The following CPAMD8 variants were observed in gnomAD, a reference collection of about 807,000 sequenced individuals.
CPAMD8 encodes the protein C3 and PZP-like alpha-2-macroglobulin domain-containing protein 8.
A neutral mutation model predicts 224.7 loss-of-function variants in CPAMD8; 146 were observed. The ratio of observed to expected loss-of-function variants is 0.65; its 90% CI spans 0.57 to 0.75. CPAMD8 has a LOEUF of 0.75. Among genes scored for constraint, CPAMD8 ranks in the 30% least tolerant of loss-of-function variants. CPAMD8 has a pLI of 0.00. For missense variants in CPAMD8, 2,301 were observed against 2,537.5 expected (o/e 0.91, Z 2.00); for synonymous variants, 966 against 1,044.6 (o/e 0.92, Z 1.45).
chr19:16,974,642 T>C (rs1368504149), intron 17 of CPAMD8, among the ~76,000 whole-genome samples: 1 of 151,958 alleles, frequency 6.6e-6, no homozygotes, highest in Non-Finnish European at 1.5e-5. Context: ...AGAATCTACT[T>C]GTGAGCTTTC....
chr19:17,006,096 G>A (rs567628146), intron 7 of CPAMD8, among the ~76,000 whole-genome samples: 12 of 152,112 alleles, frequency 7.9e-5, no homozygotes, highest in African/African-American at 2.9e-4. Flanking sequence ...CTGAGTAGCT[G>A]GGACTTTAGG....
intron 19 of CPAMD8, among the ~76,000 whole-genome samples, chr19:16,953,526 C>T (rs2054363844): frequency 6.6e-6 from 1 of 151,652 alleles, no homozygotes; most frequent in Non-Finnish European, 1.5e-5. Flanking sequence ...ACAGCAAGAC[C>T]CTATCTTTAC....
chr19:16,904,176 A>AGGGGCCCC, intron 32 of CPAMD8, 50 bp downstream of exon 32: 104 of 937,314 alleles, frequency 1.1e-4, no homozygotes, highest in Non-Finnish European at 1.5e-4. Context: ...GACTGCAGGG[A>AGGGGCCCC]CCCCACCCAC....
Position 16,952,178 on chromosome 19 carries a change from G to T in CPAMD8, c.2299C>A (p.Leu767Ile). 2 of 1,544,052 alleles carry T rather than the reference G, an allele frequency of 1.3e-6. No individual in the cohort carries two copies. The highest frequency in any genetic ancestry group is 1.2e-5 in the South Asian group (1 of 83,900). ...NISDPSGEGT[L>I]SVKVPDSITS... Reference sequence around the variant, plus strand: ...ATGGAGTCCGGGACCTTCACACTGAGTGTCCCCTCACCAGATGGGTCACTG... The same window carrying T: ...ATGGAGTCCGGGACCTTCACACTGATTGTCCCCTCACCAGATGGGTCACTG... The change falls in exon 20 of 42, where the codon CTC becomes ATC. Residue 767 changes from leucine to isoleucine, a missense_variant. Leu to Ile is a conservative substitution (Grantham distance 5). Around this residue, in one of 4 missense-constraint regions of CPAMD8, gnomAD observed 1,709 missense variants for 1,753.2 expected, o/e 0.97. Transcript: ENST00000443236.
intron 29 of CPAMD8, among the ~76,000 whole-genome samples, chr19:16,913,688 T>A (rs1361210773): frequency 6.6e-6 from 1 of 152,102 alleles, no homozygotes; most frequent in Non-Finnish European, 1.5e-5. Context: ...ATTCAGCCCA[T>A]AACACAAGGC....
chr19:17,000,583 C>T, intron 9 of CPAMD8, 61 bp from the exon 10 acceptor site: 1 of 783,520 alleles, frequency 1.3e-6, no homozygotes. Context: ...AGGGCCCAGC[C>T]TCAGGAAGGC....
intron 23 of CPAMD8, among the ~76,000 whole-genome samples, chr19:16,935,831 T>C (rs1290574537): frequency 6.6e-6 from 1 of 152,246 alleles, no homozygotes; most frequent in Non-Finnish European, 1.5e-5. Flanking sequence ...CAAACTGTTT[T>C]TAAAAACTAC....
intron 9 of CPAMD8, 79 bp downstream of exon 9, chr19:17,002,187 A>ACGACCTTGAGGGAGCAG (rs1568586196): frequency 1.6e-5 from 15 of 952,236 alleles, no homozygotes; most frequent in Non-Finnish European, 1.6e-6. Flanking sequence ...GAGGAGGGGA[A>ACGACCTTGAGGGAGCAG]CGACCTTGAG....
At chr19:17,013,166 A>G (rs1411360763) in intron 3 of CPAMD8, among the ~76,000 whole-genome samples, 1 of 151,374 alleles carries the variant, frequency 6.6e-6, no homozygotes, top group African/African-American at 2.4e-5. Flanking sequence ...GGGTGACAAG[A>G]GTGAAACTCC....
rs1222511739 is a variant in CPAMD8 at position 16,937,943 on chromosome 19, CG to C, written c.2845+451del. 3.3e-4 allele frequency among the ~76,000 whole-genome samples: 50 copies of C among 152,256 alleles called. No individual in the cohort carries two copies. The East Asian group carries it at 8.5e-3, about 26-fold the overall frequency. Reference sequence around the variant, plus strand: ...GCTGGGATTATAGGCGTGAGCCTACCGCGCCCGGCCAACTTTGTACTTTTAG... The same window carrying C: ...GCTGGGATTATAGGCGTGAGCCTACCCGCCCGGCCAACTTTGTACTTTTAG... On this transcript the variant is annotated intron_variant, in intron 23 of 41. Coordinates refer to ENST00000443236, the MANE Select transcript of CPAMD8 (RefSeq NM_015692.5).
intron 12 of CPAMD8, among the ~76,000 whole-genome samples, chr19:16,993,000 C>T (rs1202166125): frequency 3.9e-5 from 6 of 152,082 alleles, no homozygotes; most frequent in Middle Eastern, 3.5e-3. Context: ...CGTGAGGTGG[C>T]GGAAACCACC....
At chr19:16,945,956 C>A (rs376621013) in intron 21 of CPAMD8, among the ~76,000 whole-genome samples, 19 of 151,428 alleles carry the variant, frequency 1.3e-4, no homozygotes, top group African/African-American at 4.6e-4. Flanking sequence ...TTTGTGTGCA[C>A]GAGTTTGTGT....
intron 19 of CPAMD8, among the ~76,000 whole-genome samples, chr19:16,956,618 C>G (rs1371630926): frequency 1.3e-5 from 2 of 152,100 alleles, no homozygotes. Flanking sequence ...TCACTTGAGG[C>G]CAGGAGTTTC....
At chr19:16,997,068 G>T (rs199671208) in intron 11 of CPAMD8, 43 bp downstream of exon 11, 6 of 1,261,066 alleles carry the variant, frequency 4.8e-6, no homozygotes, top group South Asian at 1.2e-5. Context: ...GTGGTTTCAC[G>T]GTGGTCCTTG....
intron 30 of CPAMD8, among the ~76,000 whole-genome samples, chr19:16,906,245 C>T (rs549468505): frequency 1.3e-5 from 2 of 152,226 alleles, no homozygotes; most frequent in East Asian, 1.9e-4. Flanking sequence ...AAAGGCATCT[C>T]GTCAGTTTCC....
chr19:16,922,196 G>C (rs1044039607), intron 26 of CPAMD8, among the ~76,000 whole-genome samples: 44 of 145,032 alleles, frequency 3.0e-4, no homozygotes, highest in Admixed American at 1.2e-3. Flanking sequence ...CATACCACAT[G>C]TGGGGTTCTT....
At chr19:16,901,956 G>C (rs2052275710) in intron 35 of CPAMD8, among the ~76,000 whole-genome samples, 1 of 152,106 alleles carries the variant, frequency 6.6e-6, no homozygotes, top group Non-Finnish European at 1.5e-5. Context: ...CGGGGTAGCG[G>C]CTCTGATGGG....
In CPAMD8 at chr19:16,928,012, T is replaced by C. The variant is rs778896307; in HGVS notation, c.3367A>G (p.Ile1123Val). 3.7e-6 allele frequency: 6 copies of C among 1,610,082 alleles called. No individual in the cohort carries two copies. Among genetic ancestry groups the C allele is most frequent in the South Asian group, 3.3e-5 (3 of 91,020 alleles). Reference sequence around the variant, plus strand: ...CCAGGCTGTGGGACAGACGCACCGATGATGGAGGCGGTGGCTCGCTCAGAC... The same window carrying C: ...CCAGGCTGTGGGACAGACGCACCGACGATGGAGGCGGTGGCTCGCTCAGAC... ...PGSERATASI[I>V]GDVMGPTLNH... Residue 1123 changes from isoleucine (I) to valine (V), a missense_variant, in exon 25 of 42, where the codon ATC (isoleucine) becomes GTC (valine). Ile to Val is a conservative substitution (Grantham distance 29). Around this residue, in one of 4 missense-constraint regions of CPAMD8, gnomAD observed 1,709 missense variants for 1,753.2 expected, o/e 0.97. Coordinates refer to ENST00000443236, the MANE Select transcript of CPAMD8 (RefSeq NM_015692.5).
intron 29 of CPAMD8, among the ~76,000 whole-genome samples, 180 bp from the exon 30 acceptor site, chr19:16,907,297 T>C (rs2052559500): frequency 6.8e-6 from 1 of 146,502 alleles, no homozygotes; most frequent in Non-Finnish European, 1.5e-5. Context: ...TCCTTTCTTT[T>C]CTTTCTTGCC....
Sources: allele counts gnomAD v4.1 joint callset (sites outside exome capture counted in the v4.1 genomes callset), GRCh38; gene constraint gnomAD v4.1.1; regional missense constraint gnomAD v4.1.1; transcripts MANE v1.5; gene names NCBI Gene and HGNC (gene_info 2026-07-23, HGNC 2026-07-21).